PTPRD: variants seen among roughly 807,000 people sequenced by gnomAD.
PTPRD encodes receptor-type tyrosine-protein phosphatase delta.
A neutral mutation model predicts 214.5 loss-of-function variants in PTPRD; 34 were observed. That is an observed-to-expected ratio of 0.16 (90% CI 0.12 to 0.21). The LOEUF (loss-of-function observed/expected upper bound fraction) is 0.21, where lower values mean the gene tolerates loss of function less well. Ranked by LOEUF, PTPRD falls within the 10% of genes least tolerant of loss-of-function variation. The pLI is 1.00. For synonymous variants in PTPRD, 1,128 were observed against 845.7 expected, an observed-to-expected ratio of 1.33 and a Z score of -5.79; for missense variants, 2,545 against 2,398.7, an observed-to-expected ratio of 1.06 and a Z score of -1.27.
intron 11 of PTPRD, among the ~76,000 whole-genome samples, chr9:8,979,854 C>G (rs190025651): frequency 2.0e-5 from 3 of 152,158 alleles, no homozygotes; most frequent in Admixed American, 1.3e-4. Flanking sequence ...AGCAATTCCT[C>G]TTTTGGACAT....
intron 7 of PTPRD, among the ~76,000 whole-genome samples, chr9:9,599,969 G>A (rs1262545135): frequency 6.6e-6 from 1 of 151,980 alleles, no homozygotes; most frequent in Non-Finnish European, 1.5e-5. Context: ...CATCTCAATT[G>A]TCCCCAGAGT....
chr9:8,598,354 G>A (rs763610146), intron 14 of PTPRD, among the ~76,000 whole-genome samples: 6 of 151,878 alleles, frequency 4.0e-5, no homozygotes, highest in African/African-American at 7.3e-5. Context: ...CCAGTTACTC[G>A]GGAGGCTGAG....
At chr9:10,374,463 C>T (rs563747659) in intron 2 of PTPRD, among the ~76,000 whole-genome samples, 3 of 152,052 alleles carry the variant, frequency 2.0e-5, no homozygotes, top group African/African-American at 7.2e-5. Flanking sequence ...CACTCTGGTC[C>T]GTGCTTGTTC....
intron 2 of PTPRD, among the ~76,000 whole-genome samples, chr9:10,377,835 A>G (rs1056831518): frequency 1.7e-4 from 26 of 152,022 alleles, no homozygotes; most frequent in African/African-American, 5.1e-4. Flanking sequence ...GTTGTTTTCA[A>G]TTTTGGCTAC....
intron 5 of PTPRD, among the ~76,000 whole-genome samples, chr9:9,860,182 G>T (rs775739813): frequency 6.6e-6 from 1 of 152,140 alleles, no homozygotes; most frequent in African/African-American, 2.4e-5. Flanking sequence ...ATGGTACATG[G>T]TATTTCACAA....
Position 8,462,621 on chromosome 9 carries a change from C to G in PTPRD, c.3715-2050G>C, listed in dbSNP as rs139222492. ...GGCTCTATTCTTGTTCCTCAACTCC[C>G]TCACAAGTTCCACAACATTTAGCTC... On this transcript the variant is annotated intron_variant, in intron 32 of 45. Coordinates refer to ENST00000381196, the MANE Select transcript of PTPRD (RefSeq NM_002839.4). Among the ~76,000 whole-genome samples, 30 of 152,084 alleles carry G rather than the reference C, an allele frequency of 2.0e-4. No individual in the cohort carries two copies. In the East Asian group the frequency reaches 5.4e-3, roughly 28 times the overall value.
chr9:9,412,553 A>C (rs1032338724), intron 8 of PTPRD, among the ~76,000 whole-genome samples: 5 of 152,060 alleles, frequency 3.3e-5, no homozygotes, highest in Non-Finnish European at 4.4e-5. Flanking sequence ...TCCCAGCCTC[A>C]GGCCACTCTC....
At chr9:10,319,447 C>T (rs532550687) in intron 3 of PTPRD, among the ~76,000 whole-genome samples, 1 of 152,034 alleles carries the variant, frequency 6.6e-6, no homozygotes, top group African/African-American at 2.4e-5. Flanking sequence ...TGTGGGTGCT[C>T]TCTAGAACCT....
chr9:8,721,902 C>G (rs189266988), intron 12 of PTPRD, among the ~76,000 whole-genome samples: 486 of 152,356 alleles, frequency 3.2e-3, no homozygotes, highest in African/African-American at 0.01. Context: ...CTCCTAACCT[C>G]TGCTCCAACC....
At chr9:10,202,448 A>T (rs2099429836) in intron 3 of PTPRD, among the ~76,000 whole-genome samples, 1 of 151,090 alleles carries the variant, frequency 6.6e-6, no homozygotes, top group South Asian at 2.1e-4. Flanking sequence ...TTGTAAGTAC[A>T]GGGCTGGCAT....
intron 4 of PTPRD, among the ~76,000 whole-genome samples, chr9:10,033,154 T>A (rs1361595011): frequency 2.0e-5 from 3 of 151,384 alleles, no homozygotes; most frequent in Admixed American, 6.6e-5. Context: ...CAAACCTACA[T>A]GCTCTTAAAA....
In PTPRD at chr9:9,903,612, C is replaced by T. The variant is rs1374499424; in HGVS notation, c.-368+34895G>A. The stretch of plus-strand genomic sequence containing the variant: ...CTGTTAATATTTACTGAAAGAATAG[C>T]ATTAAATAATACAAGAAAAATAAGA... On this transcript the variant is annotated intron_variant, in intron 5 of 45. Coordinates refer to ENST00000381196, the MANE Select transcript of PTPRD (RefSeq NM_002839.4). Among the ~76,000 whole-genome samples the T allele has an allele frequency of 4.6e-5, 7 of 152,146 alleles. 1 individual carries two copies. Among genetic ancestry groups the T allele is most frequent in the Middle Eastern group, 3.4e-3 (1 of 294 alleles).
chr9:9,497,786 T>C (rs1333448474), intron 8 of PTPRD, among the ~76,000 whole-genome samples: 3 of 152,142 alleles, frequency 2.0e-5, no homozygotes, highest in African/African-American at 4.8e-5. Flanking sequence ...AATATCATAA[T>C]AGCAGTAAAG....
At chr9:10,036,243 A>C (rs1567227719) in intron 3 of PTPRD, among the ~76,000 whole-genome samples, 1 of 152,126 alleles carries the variant, frequency 6.6e-6, no homozygotes, top group Non-Finnish European at 1.5e-5. Flanking sequence ...GGCCTATTTT[A>C]ATCCCTTTCT....
At chr9:9,227,756 G>A (rs933203019) in intron 9 of PTPRD, among the ~76,000 whole-genome samples, 4 of 152,040 alleles carry the variant, frequency 2.6e-5, no homozygotes, top group Non-Finnish European at 4.4e-5. Context: ...AGTGAAGAAC[G>A]GACACATCCT....
intron 3 of PTPRD, among the ~76,000 whole-genome samples, chr9:10,110,976 T>C (rs1046847856): frequency 1.3e-5 from 2 of 152,134 alleles, no homozygotes; most frequent in Non-Finnish European, 2.9e-5. Flanking sequence ...GATTTTTGAT[T>C]TGGGGATAAA....
intron 4 of PTPRD, among the ~76,000 whole-genome samples, chr9:10,001,774 C>T (rs528558740): frequency 2.6e-5 from 4 of 152,126 alleles, no homozygotes; most frequent in South Asian, 2.1e-4. Flanking sequence ...AGTACAGCTG[C>T]CCTATGAGAA....
intron 12 of PTPRD, among the ~76,000 whole-genome samples, chr9:8,721,955 T>G (rs67646591): frequency 1.3e-5 from 2 of 152,166 alleles, no homozygotes; most frequent in East Asian, 1.9e-4. Context: ...TGGTTCTCAA[T>G]TGGGTGATTT....
chr9:8,608,302 C>T (rs766878254), intron 14 of PTPRD, among the ~76,000 whole-genome samples: 25 of 152,030 alleles, frequency 1.6e-4, no homozygotes, highest in South Asian at 4.1e-4. Flanking sequence ...GGATGAAAAA[C>T]GGCACATTAT....
Sources: gnomAD v4.1 joint callset for allele counts (sites outside exome capture counted in the v4.1 genomes callset) on GRCh38, gnomAD v4.1.1 for gene constraint, MANE v1.5 for transcripts, NCBI Gene and HGNC (gene_info 2026-07-23, HGNC 2026-07-21) for gene names.